Variants in SLC44A2 observed in about 807,000 individuals in gnomAD.
SLC44A2 encodes the protein choline transporter-like protein 2.
Under a neutral mutation model 90.8 loss-of-function variants are expected in SLC44A2, and 57 were observed. That is an observed-to-expected ratio of 0.63 (90% CI 0.51 to 0.78). The LOEUF is 0.78. SLC44A2 is among the 30% of genes least tolerant of loss of function. The pLI is 0.00. For synonymous variants in SLC44A2, 355 were observed against 360.7 expected, an observed-to-expected ratio of 0.98 and a Z score of 0.18; for missense variants, 794 against 919.7, an observed-to-expected ratio of 0.86 and a Z score of 1.77.
At chr19:10,612,915 C>G (rs1918346868) in intron 1 of SLC44A2, among the ~76,000 whole-genome samples, 1 of 152,198 alleles carries the variant, frequency 6.6e-6, no homozygotes, top group South Asian at 2.1e-4. Context: ...TGGGTTGGCT[C>G]CAGCAGGGCG....
rs370804237 is a variant in SLC44A2 at position 10,629,324 on chromosome 19, C to G, written c.245+1320C>G. Reference sequence around the variant, plus strand: ...CGGAATTTTGCTCTTGTTACCCAGGCTAGAGTGCAGTGGCACAATCTCAGC... The same window carrying G: ...CGGAATTTTGCTCTTGTTACCCAGGGTAGAGTGCAGTGGCACAATCTCAGC... On this transcript the variant is annotated intron_variant, in intron 4 of 21. Coordinates refer to ENST00000335757, the MANE Select transcript of SLC44A2 (RefSeq NM_020428.4). 2.6e-3 allele frequency among the ~76,000 whole-genome samples: 384 copies of G among 148,706 alleles called. 4 individuals carry two copies. In the Middle Eastern group the frequency reaches 0.038, roughly 15 times the overall value.
At chr19:10,617,489 G>T (rs1357448847) in intron 1 of SLC44A2, among the ~76,000 whole-genome samples, 1 of 152,082 alleles carries the variant, frequency 6.6e-6, no homozygotes, top group Non-Finnish European at 1.5e-5. Context: ...TCTCACAGAG[G>T]AGTAACTCAA....
chr19:10,608,321 G>T (rs1037041460), intron 1 of SLC44A2, among the ~76,000 whole-genome samples: 10 of 151,380 alleles, frequency 6.6e-5, no homozygotes, highest in Non-Finnish European at 1.5e-4. Flanking sequence ...TCAGCCTCCC[G>T]AGTAGCTGGG....
intron 1 of SLC44A2, among the ~76,000 whole-genome samples, chr19:10,605,205 AC>A (rs1918066954): frequency 6.6e-6 from 1 of 151,798 alleles, no homozygotes; most frequent in Admixed American, 6.6e-5. Flanking sequence ...CCACAGTGAA[AC>A]CCCATCTCTA....
intron 10 of SLC44A2, among the ~76,000 whole-genome samples, 187 bp downstream of exon 10, chr19:10,632,343 C>T (rs1014715181): frequency 2.6e-5 from 4 of 151,908 alleles, no homozygotes; most frequent in African/African-American, 9.7e-5. Context: ...TCAAGACCAG[C>T]CTGACCAACA....
chr19:10,624,056 G>A (rs2144835298), upstream of SLC44A2, among the ~76,000 whole-genome samples: 1 of 151,944 alleles, frequency 6.6e-6, no homozygotes, highest in Middle Eastern at 3.4e-3. Context: ...GGAGTGCAGT[G>A]GCACGATCTC....
At chr19:10,630,976 T>C in intron 4 of SLC44A2, 81 bp from the exon 5 acceptor site, 1 of 1,126,990 alleles carries the variant, frequency 8.9e-7, no homozygotes, top group Non-Finnish European at 1.3e-6. Flanking sequence ...TTGCACTCCA[T>C]CCTGGGCAAC....
At chr19:10,641,404 C>CAA in intron 20 of SLC44A2, 6 of 374,914 alleles carry the variant, frequency 1.6e-5, no homozygotes, top group Admixed American at 5.9e-5. Context: ...AAAAAAAAAA[C>CAA]AAAAAAAAAA....
chr19:10,607,606 C>T (rs867947221), intron 1 of SLC44A2, among the ~76,000 whole-genome samples: 1 of 149,902 alleles, frequency 6.7e-6, no homozygotes, highest in Non-Finnish European at 1.5e-5. Context: ...TCCTCCTGTA[C>T]TGGCCTCCCA....
Position 10,637,664 on chromosome 19 carries a change from A to C in SLC44A2, c.1612A>C (p.Lys538Gln), listed in dbSNP as rs1201125482. The C allele has an allele frequency of 6.2e-7, 1 of 1,614,152 alleles. No homozygotes were observed. ...RLKAAENKFA[K>Q]CLMTCLKCCF... ...TCCAGCTGCAGAGAACAAGTTTGCC[A>C]AGTGCCTCATGACCTGTCTCAAATG... The change falls in exon 17 of 22, where the codon AAG becomes CAG. Residue 538 changes from lysine to glutamine, a missense_variant. Around this residue, in one of 3 missense-constraint regions of SLC44A2, gnomAD observed 738 missense variants for 841.1 expected, o/e 0.88. Transcript: ENST00000335757.
intron 1 of SLC44A2, among the ~76,000 whole-genome samples, chr19:10,607,462 T>A (rs1294113563): frequency 6.6e-6 from 1 of 151,512 alleles, no homozygotes; most frequent in East Asian, 1.9e-4. Flanking sequence ...GTGATCCTCC[T>A]GCTTCTGCCT....
chr19:10,635,483 T>C lies in SLC44A2; in HGVS notation c.1201T>C (p.Cys401Arg), dbSNP rs1444006302. The change falls in exon 14 of 22, where the codon TGC becomes CGC. Residue 401 changes from cysteine (C) to arginine (R), a missense_variant. Around this residue, in one of 3 missense-constraint regions of SLC44A2, gnomAD observed 738 missense variants for 841.1 expected, o/e 0.88. Transcript: ENST00000335757. ...CTATAAGATCTTTGATGACAGCCCC[T>C]GCCCATTTACTGCGAAAACCTGCAA... ...AVYKIFDDSPCPFTAKTCNPE... is the reference protein window; with the variant it reads ...AVYKIFDDSPRPFTAKTCNPE... The C allele has an allele frequency of 6.2e-7, 1 of 1,613,942 alleles. No homozygotes were observed. Among genetic ancestry groups the C allele is most frequent in the Admixed American group, 1.7e-5 (1 of 59,904 alleles).
intron 1 of SLC44A2, among the ~76,000 whole-genome samples, chr19:10,618,004 T>C (rs1199798134): frequency 6.6e-6 from 1 of 152,132 alleles, no homozygotes; most frequent in African/African-American, 2.4e-5. Flanking sequence ...GATTAATCCA[T>C]GTGGAATTTT....
intron 20 of SLC44A2, chr19:10,641,505 T>C (rs974656691): frequency 2.6e-5 from 11 of 419,778 alleles, no homozygotes; most frequent in African/African-American, 1.1e-4. Flanking sequence ...CGATGGGGCA[T>C]AAATTAGATT....
chr19:10,635,567 T>C (rs1292293954), intron 14 of SLC44A2, 52 bp downstream of exon 14: 2 of 1,517,092 alleles, frequency 1.3e-6, no homozygotes, highest in African/African-American at 1.4e-5. Flanking sequence ...AGGCCCCAGA[T>C]GATTTGAAAC....
chr19:10,642,309 G>C, intron 20 of SLC44A2, 58 bp from the exon 21 acceptor site: 1 of 1,446,374 alleles, frequency 6.9e-7, no homozygotes, highest in African/African-American at 1.4e-5. Flanking sequence ...GGACTCAGGG[G>C]GTGGGGGCTG....
chr19:10,642,692 C>T lies in SLC44A2; in HGVS notation c.2014+241C>T, dbSNP rs550306393. ...GACGCTGCCCTGGAGCCCGCCCGCG[C>T]TTCGCAGTTTCTGGCTTTGACTGGG... On this transcript the variant is annotated intron_variant, in intron 21 of 21. Transcript: ENST00000335757. Among the ~76,000 whole-genome samples the T allele has an allele frequency of 4.6e-5, 7 of 152,276 alleles. No homozygotes were observed. In the East Asian group the frequency reaches 1.4e-3, roughly 29 times the overall value.
chr19:10,609,803 CTTAT>C (rs1292806684), intron 1 of SLC44A2, among the ~76,000 whole-genome samples: 3 of 151,732 alleles, frequency 2.0e-5, no homozygotes, highest in African/African-American at 2.4e-5. Context: ...TGATGTTACT[CTTAT>C]TTATTTATTT....
At chr19:10,616,142 GAAA>G in intron 1 of SLC44A2, among the ~76,000 whole-genome samples, 1 of 98,890 alleles carries the variant, frequency 1.0e-5, no homozygotes, top group African/African-American at 3.8e-5. Context: ...TGTCTCCAAA[GAAA>G]AAAAAAAAAA....
Sources: gnomAD v4.1 joint callset for allele counts (sites outside exome capture counted in the v4.1 genomes callset) on GRCh38, gnomAD v4.1.1 for gene constraint, gnomAD v4.1.1 regional missense constraint, MANE v1.5 for transcripts, NCBI Gene and HGNC (gene_info 2026-07-23, HGNC 2026-07-21) for gene names.